SOBP: variants seen among roughly 807,000 people sequenced by gnomAD.
SOBP encodes the protein sine oculis binding protein homolog, also known as sine oculis-binding protein homolog.
SOBP carries 4 observed loss-of-function variants against 53.6 expected under a neutral mutation model. The observed-to-expected ratio is 0.07, with a 90% CI of 0.04 to 0.17. The LOEUF is 0.17. Among genes scored for constraint, SOBP ranks in the 10% least tolerant of loss-of-function variants. The pLI, the probability that SOBP is intolerant of heterozygous loss-of-function variation, is 1.00. For synonymous variants in SOBP, 584 were observed against 522.6 expected (o/e 1.12, Z -1.60); for missense variants, 1,088 against 1,204.7 (o/e 0.90, Z 1.43).
chr6:107,646,401 C>T (rs1771560013), intron 6 of SOBP, among the ~76,000 whole-genome samples: 1 of 152,160 alleles, frequency 6.6e-6, no homozygotes, highest in African/African-American at 2.4e-5. Flanking sequence ...AACAGAGGCC[C>T]CACCCTTCTG....
chr6:107,563,302 G>C (rs890629236), intron 4 of SOBP, among the ~76,000 whole-genome samples: 2 of 151,880 alleles, frequency 1.3e-5, no homozygotes, highest in Non-Finnish European at 2.9e-5. Context: ...GAGTTTGATG[G>C]GTCAAAATAA....
intron 5 of SOBP, 81 bp from the exon 6 acceptor site, chr6:107,633,433 C>G (rs1252201521): frequency 1.3e-6 from 2 of 1,565,690 alleles, no homozygotes; most frequent in African/African-American, 2.7e-5. Context: ...TTAAAAGAAC[C>G]TTTATGTGAA....
chr6:107,560,111 TTCTCTCC>T (rs1343096887), intron 4 of SOBP, among the ~76,000 whole-genome samples: 3 of 152,170 alleles, frequency 2.0e-5, no homozygotes, highest in Non-Finnish European at 2.9e-5. Flanking sequence ...AACCATTCTT[TTCTCTCC>T]TCTAGTTTGT....
chr6:107,591,089 CCTGGTGGTATAG>C (rs1785732139), intron 5 of SOBP, among the ~76,000 whole-genome samples: 1 of 152,154 alleles, frequency 6.6e-6, no homozygotes, highest in Non-Finnish European at 1.5e-5. Flanking sequence ...ACACTGTCAT[CCTGGTGGTATAG>C]CTAAGGATCA....
intron 5 of SOBP, among the ~76,000 whole-genome samples, chr6:107,615,686 G>T (rs1786759852): frequency 6.6e-6 from 1 of 152,154 alleles, no homozygotes. Flanking sequence ...TACCTGCCCT[G>T]AGGTTGGGCA....
chr6:107,624,374 GGCCCTGGGAACTTGT>G (rs1230448705), intron 5 of SOBP, among the ~76,000 whole-genome samples: 2 of 152,178 alleles, frequency 1.3e-5, no homozygotes, highest in African/African-American at 4.8e-5. Context: ...AGCATAGAAG[GGCCCTGGGAACTTGT>G]GCCCTGGGAA....
chr6:107,499,405 G>C (rs1782779710), intron 1 of SOBP, among the ~76,000 whole-genome samples: 1 of 152,174 alleles, frequency 6.6e-6, no homozygotes, highest in South Asian at 2.1e-4. Context: ...TAGAAACACT[G>C]TAAAGTGCTA....
chr6:107,493,909 T>TA lies in SOBP; in HGVS notation c.96+3198dup, dbSNP rs567579564. On this transcript the variant is annotated intron_variant, in intron 1 of 6. Coordinates refer to ENST00000317357, the MANE Select transcript of SOBP (RefSeq NM_018013.4). Reference sequence around the variant, plus strand: ...ATCAGATATTGAGTTACATTTTCGTTATCACTGGTTTAATGTACATGGCAG... The same window carrying TA: ...ATCAGATATTGAGTTACATTTTCGTTAATCACTGGTTTAATGTACATGGCAG... 4.6e-5 allele frequency among the ~76,000 whole-genome samples: 7 copies of TA among 152,356 alleles called. No homozygotes were observed. In the South Asian group the frequency reaches 1.4e-3, roughly 32 times the overall value.
rs1463409678 is a variant in SOBP, at chr6:107,659,019, C to T, written c.*816C>T. ...CTCTTTAAATTCCCCTAAATAGCGC[C>T]CCATTTGGGAACAGAGCAAGAGTGT... On this transcript the variant is annotated 3_prime_UTR_variant, in exon 7 of 7. Transcript: ENST00000317357. 1 of 152,524 alleles carries T rather than the reference C, an allele frequency of 6.6e-6. No individual in the cohort carries two copies. The highest frequency in any genetic ancestry group is 2.4e-5 in the African/African-American group (1 of 41,400). The allele number at this position is 152,524 out of a possible 1,614,324, so 9.4% of individuals were successfully genotyped here. A position where few individuals can be genotyped will look rare whatever the true frequency, so the allele number is the denominator to read the frequency against.
In SOBP at chr6:107,602,563, C is replaced by T. The variant is rs17068368; in HGVS notation, c.669+15388C>T. 0.02 allele frequency among the ~76,000 whole-genome samples: 1,443 copies of T among 72,090 alleles called. 47 individuals carry two copies. In the East Asian group the frequency reaches 0.31, roughly 15 times the overall value. 47.3% of individuals were successfully genotyped at this position (72,090 alleles called of 152,430 possible). A position where few individuals can be genotyped will look rare whatever the true frequency, so the allele number is the denominator to read the frequency against. On this transcript the variant is annotated intron_variant, in intron 5 of 6. Transcript: ENST00000317357. ...CTAAGCCTCTGCATAGCAACTAAGC[C>T]GCGTTAAAAAAAAAAAAAAAAAAAG...
chr6:107,627,547 G>T (rs914118290), intron 5 of SOBP, among the ~76,000 whole-genome samples: 2 of 152,134 alleles, frequency 1.3e-5, no homozygotes, highest in Non-Finnish European at 2.9e-5. Context: ...TTCTAACAAA[G>T]ATGTTCTTTA....
At chr6:107,520,658 C>T (rs949159682) in intron 3 of SOBP, among the ~76,000 whole-genome samples, 1 of 152,206 alleles carries the variant, frequency 6.6e-6, no homozygotes, top group Non-Finnish European at 1.5e-5. Context: ...TCAGCTGTGC[C>T]TTTCCTTTCT....
intron 4 of SOBP, among the ~76,000 whole-genome samples, chr6:107,584,418 T>C (rs1785502825): frequency 6.6e-6 from 1 of 152,190 alleles, no homozygotes; most frequent in Non-Finnish European, 1.5e-5. Flanking sequence ...GTGAGAAGTG[T>C]GTGTGAGTTA....
intron 6 of SOBP, among the ~76,000 whole-genome samples, chr6:107,655,114 A>C (rs553781192): frequency 6.6e-6 from 1 of 151,922 alleles, no homozygotes; most frequent in East Asian, 1.9e-4. Context: ...GAAGACATTT[A>C]GACATGGAGG....
intron 4 of SOBP, among the ~76,000 whole-genome samples, chr6:107,583,940 T>C (rs1487369018): frequency 1.3e-5 from 2 of 152,196 alleles, no homozygotes; most frequent in Non-Finnish European, 2.9e-5. Flanking sequence ...TTGAGCATCA[T>C]GTTGGGATTC....
chr6:107,560,573 G>A (rs1033381274), intron 4 of SOBP, among the ~76,000 whole-genome samples: 8 of 152,060 alleles, frequency 5.3e-5, no homozygotes, highest in Admixed American at 1.3e-4. Context: ...GGATACTCAC[G>A]GTTTCTCCCA....
intron 4 of SOBP, among the ~76,000 whole-genome samples, chr6:107,540,291 T>G (rs943863330): frequency 1.3e-5 from 2 of 152,384 alleles, no homozygotes; most frequent in East Asian, 1.9e-4. Flanking sequence ...GGATAGCTTA[T>G]GTACACATAA....
In SOBP at chr6:107,634,928, A is replaced by G. The variant is rs1770945557; in HGVS notation, c.2084A>G (p.Asp695Gly). ...AERRTCGGCR[D>G]GHCSPPAAGD... ...CGCAGGACCTGCGGCGGCTGCAGGGACGGCCACTGCAGCCCGCCCGCCGCC... is the reference window on the plus strand; with the variant it reads ...CGCAGGACCTGCGGCGGCTGCAGGGGCGGCCACTGCAGCCCGCCCGCCGCC... The change falls in exon 6 of 7, where the codon GAC (aspartate) becomes GGC (glycine). Residue 695 changes from aspartate (D) to glycine (G), a missense_variant. Coordinates refer to ENST00000317357, the MANE Select transcript of SOBP (RefSeq NM_018013.4). This position sits in a 1 kb window ranked among gnomAD's most constrained non-coding sequence, Gnocchi z 4.5. 1 of 1,150,136 alleles carries G rather than the reference A, an allele frequency of 8.7e-7. No homozygotes were observed. The highest frequency in any genetic ancestry group is 1.1e-6 in the Non-Finnish European group (1 of 935,132). 71.2% of individuals were successfully genotyped at this position (1,150,136 alleles called of 1,614,324 possible). A position where few individuals can be genotyped will look rare whatever the true frequency, so the allele number is the denominator to read the frequency against.
At chr6:107,556,317 G>T (rs890495275) in intron 4 of SOBP, among the ~76,000 whole-genome samples, 2 of 152,178 alleles carry the variant, frequency 1.3e-5, no homozygotes. Flanking sequence ...CTTTGTCCTT[G>T]ATATGCTGAA....
Sources: gnomAD v4.1 joint callset for allele counts (sites outside exome capture counted in the v4.1 genomes callset) on GRCh38, gnomAD v4.1.1 for gene constraint, Gnocchi (gnomAD v3.1) non-coding constraint, MANE v1.5 for transcripts, NCBI Gene and HGNC (gene_info 2026-07-23, HGNC 2026-07-21) for gene names.